The following DGKB variants were observed in gnomAD, a reference collection of about 807,000 sequenced individuals.
The protein encoded by DGKB is 90 kDa diacylglycerol kinase.
A neutral mutation model predicts 114.3 loss-of-function variants in DGKB; 67 were observed. The observed-to-expected ratio is 0.59, with a 90% confidence interval of 0.48 to 0.72. DGKB has a LOEUF of 0.72. Among genes scored for constraint, DGKB ranks in the 30% least tolerant of loss-of-function variants. DGKB has a pLI of 0.00. For missense variants in DGKB, 907 were observed against 975.2 expected (o/e 0.93, Z 0.93); for synonymous variants, 398 against 323.1 (o/e 1.23, Z -2.49).
At chr7:14,784,838 A>G (rs1262194670) in intron 2 of DGKB, among the ~76,000 whole-genome samples, 2 of 150,262 alleles carry the variant, frequency 1.3e-5, no homozygotes, top group African/African-American at 4.9e-5. Flanking sequence ...TTTTTTTTTA[A>G]TGTTTTTTTG....
intron 21 of DGKB, among the ~76,000 whole-genome samples, chr7:14,354,836 G>C (rs1235417999): frequency 6.6e-6 from 1 of 152,098 alleles, no homozygotes; most frequent in Admixed American, 6.6e-5. Context: ...TATATATTAA[G>C]TGGTATATAA....
At chr7:14,551,303 T>C (rs1480918446) in intron 20 of DGKB, among the ~76,000 whole-genome samples, 1 of 152,224 alleles carries the variant, frequency 6.6e-6, no homozygotes. Flanking sequence ...ATAGACCCAA[T>C]TCTGATTTCA....
At chr7:14,440,827 T>C (rs766055308) in intron 21 of DGKB, among the ~76,000 whole-genome samples, 1 of 152,182 alleles carries the variant, frequency 6.6e-6, no homozygotes, top group Non-Finnish European at 1.5e-5. Flanking sequence ...CATCAATGTA[T>C]ATACAAATGG....
chr7:14,750,604 A>C (rs544150647), intron 4 of DGKB, among the ~76,000 whole-genome samples: 1 of 152,086 alleles, frequency 6.6e-6, no homozygotes, highest in African/African-American at 2.4e-5. Flanking sequence ...TCCATGCCCC[A>C]CATTGCTACT....
Position 14,574,298 on chromosome 7 carries a change from T to TCC in DGKB, c.1682_1683dup (p.Lys562GlyfsTer41). On this transcript the variant is annotated frameshift_variant, in exon 20 of 26. Transcript: ENST00000402815. LOFTEE classifies it high-confidence loss of function. ...TTGTCATTAGGTATGACTTCAAACT[T>TCC]CCACCTGTCCAACATGATTTCTGTG... The TCC allele has an allele frequency of 6.2e-7, 1 of 1,613,374 alleles. No individual in the cohort carries two copies. The highest frequency in any genetic ancestry group is 2.2e-5 in the East Asian group (1 of 44,790).
At chr7:14,217,059 T>C (rs1206067450) in intron 23 of DGKB, among the ~76,000 whole-genome samples, 1 of 152,182 alleles carries the variant, frequency 6.6e-6, no homozygotes, top group Non-Finnish European at 1.5e-5. Flanking sequence ...AATGAAACTT[T>C]ATGAATTGAG....
rs117761412 is a variant in DGKB at position 14,792,284 on chromosome 7, G to C, written c.71-34553C>G. On this transcript the variant is annotated intron_variant, in intron 2 of 25. Transcript: ENST00000402815. ...ATGAAAGTTAAATATAATAATGAATGTAAGGTATTTGGTATATATTAAGTG... is the reference window on the plus strand; with the variant it reads ...ATGAAAGTTAAATATAATAATGAATCTAAGGTATTTGGTATATATTAAGTG... Among the ~76,000 whole-genome samples the C allele has an allele frequency of 1.3e-4, 20 of 152,212 alleles. No individual in the cohort carries two copies. In the East Asian group the frequency reaches 2.1e-3, roughly 16 times the overall value.
intron 23 of DGKB, among the ~76,000 whole-genome samples, chr7:14,240,446 A>G (rs1187703219): frequency 6.6e-6 from 1 of 152,110 alleles, no homozygotes; most frequent in East Asian, 1.9e-4. Context: ...GTGATAAATA[A>G]CAACATAATT....
chr7:14,766,378 G>C (rs931183811), intron 2 of DGKB, among the ~76,000 whole-genome samples: 1 of 151,858 alleles, frequency 6.6e-6, no homozygotes, highest in African/African-American at 2.4e-5. Context: ...TTTGAAAGTA[G>C]AGCCAAAAGA....
intron 21 of DGKB, among the ~76,000 whole-genome samples, chr7:14,348,487 A>G (rs1812867257): frequency 6.6e-6 from 1 of 152,042 alleles, no homozygotes; most frequent in South Asian, 2.1e-4. Flanking sequence ...CAAAATAGAT[A>G]TACAGATGGA....
intron 25 of DGKB, among the ~76,000 whole-genome samples, chr7:14,150,586 A>G (rs1782043350): frequency 6.6e-6 from 1 of 152,070 alleles, no homozygotes; most frequent in Non-Finnish European, 1.5e-5. Context: ...GCAAAAATAA[A>G]TTGCACCTGT....
In DGKB at chr7:14,872,187, G is replaced by A. The variant is rs142136579; in HGVS notation, c.-188+30405C>T. On this transcript the variant is annotated intron_variant, in intron 1 of 25. Transcript: ENST00000402815. ...TTAATCTGTTCATATTTCTCATTGC[G>A]TAAATATGCAACTTATAAATGACAC... Among the ~76,000 whole-genome samples, 472 of 152,198 alleles carry A rather than the reference G, an allele frequency of 3.1e-3. 2 individuals are homozygous for A. The highest frequency in any genetic ancestry group is 5.1e-3 in the Non-Finnish European group (350 of 68,016).
intron 1 of DGKB, among the ~76,000 whole-genome samples, chr7:14,967,937 CTCTAATAA>C (rs1268805197): frequency 2.6e-5 from 4 of 152,150 alleles, no homozygotes; most frequent in African/African-American, 9.6e-5. Context: ...CAATAACCTA[CTCTAATAA>C]TTACTGAGGA....
At chr7:14,211,328 A>G (rs35838095) in intron 23 of DGKB, among the ~76,000 whole-genome samples, 3,687 of 87,420 alleles carry the variant, frequency 0.042, 600 homozygotes, top group African/African-American at 0.17. Context: ...ATTTACTCTC[A>G]TGTTTTGTGA....
chr7:14,648,658 G>A (rs1008245954), intron 13 of DGKB, among the ~76,000 whole-genome samples: 12 of 151,940 alleles, frequency 7.9e-5, no homozygotes, highest in Non-Finnish European at 1.3e-4. Flanking sequence ...TGACTTTGAC[G>A]AGCTGAGAGA....
At chr7:14,197,229 A>T (rs879633278) in intron 23 of DGKB, among the ~76,000 whole-genome samples, 4 of 152,094 alleles carry the variant, frequency 2.6e-5, no homozygotes, top group Non-Finnish European at 5.9e-5. Context: ...TAGTTTAAAA[A>T]TACTATTGCA....
At chr7:14,686,204 C>G (rs1232822813) in intron 9 of DGKB, among the ~76,000 whole-genome samples, 1 of 152,036 alleles carries the variant, frequency 6.6e-6, no homozygotes, top group East Asian at 1.9e-4. Flanking sequence ...CAGTAAAACT[C>G]TCTATATCAT....
At chr7:14,704,512 G>C (rs1328580925) in intron 6 of DGKB, among the ~76,000 whole-genome samples, 1 of 151,476 alleles carries the variant, frequency 6.6e-6, no homozygotes, top group Non-Finnish European at 1.5e-5. Flanking sequence ...AATAGGAACA[G>C]CTCCGGTCTA....
At chr7:14,550,973 A>C (rs1795020980) in intron 20 of DGKB, among the ~76,000 whole-genome samples, 1 of 152,184 alleles carries the variant, frequency 6.6e-6, no homozygotes, top group Non-Finnish European at 1.5e-5. Flanking sequence ...AGCATTGCTA[A>C]ATTTCTTTGG....
Sources: allele counts gnomAD v4.1 joint callset (sites outside exome capture counted in the v4.1 genomes callset), GRCh38; gene constraint gnomAD v4.1.1; transcripts MANE v1.5; gene names NCBI Gene and HGNC (gene_info 2026-07-23, HGNC 2026-07-21).